The following ADAM10 variants were observed in gnomAD, a reference collection of about 807,000 sequenced individuals.
The protein encoded by ADAM10 is ADAM metallopeptidase domain 10.
In ADAM10, 17 loss-of-function variants were observed where a neutral mutation model predicts 90.1. The observed-to-expected ratio is 0.19, with a 90% confidence interval of 0.13 to 0.28. ADAM10 has a LOEUF of 0.28. ADAM10 is among the 10% of genes least tolerant of loss of function. The probability of loss-of-function intolerance (pLI) is 1.00; values close to 1 mark genes in which losing one functional copy is unlikely to be tolerated. For missense variants in ADAM10, 610 were observed against 914.3 expected (o/e 0.67, Z 4.29); for synonymous variants, 310 against 298.6 (o/e 1.04, Z -0.40).
intron 1 of ADAM10, among the ~76,000 whole-genome samples, chr15:58,737,352 T>A (rs1418138834): frequency 3.3e-5 from 5 of 151,968 alleles, no homozygotes. Context: ...TTTTTTCACA[T>A]CCAAAAAATA....
intron 1 of ADAM10, among the ~76,000 whole-genome samples, chr15:58,734,417 T>C (rs1429178012): frequency 6.6e-6 from 1 of 152,220 alleles, no homozygotes; most frequent in Non-Finnish European, 1.5e-5. Flanking sequence ...TTCAATGATT[T>C]CATGTTAATC....
chr15:58,708,060 G>A (rs2140801480), intron 2 of ADAM10, among the ~76,000 whole-genome samples: 1 of 152,026 alleles, frequency 6.6e-6, no homozygotes, highest in African/African-American at 2.4e-5. Flanking sequence ...CTGGGCAACA[G>A]AGCGAGACTC....
At chr15:58,721,474 A>G (rs1418379403) in intron 1 of ADAM10, among the ~76,000 whole-genome samples, 1 of 152,216 alleles carries the variant, frequency 6.6e-6, no homozygotes, top group Non-Finnish European at 1.5e-5. Flanking sequence ...ATTGAATTAC[A>G]TAATTTCTAT....
At chr15:58,709,276 A>T (rs1273834937) in intron 2 of ADAM10, among the ~76,000 whole-genome samples, 1 of 152,220 alleles carries the variant, frequency 6.6e-6, no homozygotes, top group African/African-American at 2.4e-5. Flanking sequence ...TCTAGATAAA[A>T]TCTGAGCTAG....
At chr15:58,629,518 AC>A (rs1172498266) in intron 9 of ADAM10, 1 of 152,220 alleles carries the variant, frequency 6.6e-6, no homozygotes. Flanking sequence ...GGCCATCTTG[AC>A]TGGACTCGCA....
chr15:58,643,778 CTACT>C (rs1236402604), intron 7 of ADAM10, 104 bp downstream of exon 7: 1 of 883,520 alleles, frequency 1.1e-6, no homozygotes, highest in African/African-American at 1.7e-5. Context: ...TTAAACTAAA[CTACT>C]TAATTCATAA....
intron 5 of ADAM10, among the ~76,000 whole-genome samples, chr15:58,654,049 G>A (rs1896751821): frequency 6.6e-6 from 1 of 151,540 alleles, no homozygotes; most frequent in Admixed American, 6.6e-5. Context: ...TATACCACTT[G>A]TGATGTCTCC....
intron 2 of ADAM10, among the ~76,000 whole-genome samples, chr15:58,705,739 A>C (rs1333497457): frequency 6.6e-6 from 1 of 152,226 alleles, no homozygotes; most frequent in African/African-American, 2.4e-5. Flanking sequence ...TAGAATAGTT[A>C]GAATATAGAG....
At chr15:58,625,132 A>G (rs987669929) in intron 10 of ADAM10, among the ~76,000 whole-genome samples, 1 of 152,178 alleles carries the variant, frequency 6.6e-6, no homozygotes, top group Non-Finnish European at 1.5e-5. Context: ...GATAATGCCA[A>G]TCAATACAAT....
At chr15:58,708,773 T>G (rs551173859) in intron 2 of ADAM10, among the ~76,000 whole-genome samples, 1 of 152,326 alleles carries the variant, frequency 6.6e-6, no homozygotes, top group African/African-American at 2.4e-5. Flanking sequence ...TGGTTCAATA[T>G]AGACTATTTT....
At chr15:58,658,715 T>C (rs1267840979) in intron 5 of ADAM10, among the ~76,000 whole-genome samples, 1 of 152,244 alleles carries the variant, frequency 6.6e-6, no homozygotes, top group Non-Finnish European at 1.5e-5. Context: ...CATATTTTGT[T>C]AAATTTATTC....
chr15:58,649,040 G>A (rs1421343690), intron 5 of ADAM10, among the ~76,000 whole-genome samples: 1 of 151,950 alleles, frequency 6.6e-6, no homozygotes. Context: ...TTTAATCGGT[G>A]CATTTAATCC....
intron 2 of ADAM10, among the ~76,000 whole-genome samples, chr15:58,696,631 A>G (rs1225888682): frequency 2.6e-5 from 4 of 151,982 alleles, no homozygotes; most frequent in Non-Finnish European, 4.4e-5. Context: ...ATGACCAGCT[A>G]ATTTTTGTAC....
rs561566133 is a variant in ADAM10 at position 58,647,601 on chromosome 15, T to G, written c.586-1397A>C. Among the ~76,000 whole-genome samples the G allele has an allele frequency of 2.0e-5, 3 of 152,154 alleles. No homozygotes were observed. In the South Asian group the frequency reaches 6.2e-4, roughly 32 times the overall value. ...TCTCACTCTGTTACCCAGGCTGGAG[T>G]GCAGTGGCATGATCACAGCTCAATG... On this transcript the variant is annotated intron_variant, in intron 5 of 15. Transcript: ENST00000260408.
intron 1 of ADAM10, among the ~76,000 whole-genome samples, chr15:58,734,926 C>CT (rs1260554009): frequency 6.6e-6 from 1 of 152,160 alleles, no homozygotes; most frequent in East Asian, 1.9e-4. Flanking sequence ...CACAGGAGCC[C>CT]TGACTAATCT....
chr15:58,591,680 G>T lies in ADAM10; in HGVS notation c.*5867C>A, dbSNP rs545968989. ...TAATTATCAACTCACAGCCAATCTTGTTTCAACTATATCCACACACACCAG... is the reference window on the plus strand; with the variant it reads ...TAATTATCAACTCACAGCCAATCTTTTTTCAACTATATCCACACACACCAG... On this transcript the variant is annotated 3_prime_UTR_variant, in exon 16 of 16. Transcript: ENST00000260408. The T allele has an allele frequency of 3.3e-5, 5 of 152,108 alleles. No individual in the cohort carries two copies. The highest frequency in any genetic ancestry group is 5.9e-5 in the Non-Finnish European group (4 of 68,008). The allele number at this position is 152,108 out of a possible 1,614,324, so 9.4% of individuals were successfully genotyped here. A position where few individuals can be genotyped will look rare whatever the true frequency, so the allele number is the denominator to read the frequency against.
chr15:58,653,398 C>G (rs565442767), intron 5 of ADAM10, among the ~76,000 whole-genome samples: 1 of 152,070 alleles, frequency 6.6e-6, no homozygotes, highest in Non-Finnish European at 1.5e-5. Flanking sequence ...ACCTTCTATA[C>G]GCAATTTTTT....
intron 4 of ADAM10, among the ~76,000 whole-genome samples, chr15:58,665,413 T>G (rs1293401726): frequency 6.6e-6 from 1 of 152,154 alleles, no homozygotes; most frequent in Non-Finnish European, 1.5e-5. Context: ...CTTTAGCTTT[T>G]TGTCATATAG....
chr15:58,678,685 T>C (rs967418755), intron 4 of ADAM10, among the ~76,000 whole-genome samples: 2 of 152,104 alleles, frequency 1.3e-5, no homozygotes, highest in African/African-American at 4.8e-5. Context: ...TAAAAAGAAA[T>C]ACTCAATGGA....
Sources: allele counts gnomAD v4.1 joint callset (sites outside exome capture counted in the v4.1 genomes callset), GRCh38; gene constraint gnomAD v4.1.1; transcripts MANE v1.5; gene names NCBI Gene and HGNC (gene_info 2026-07-23, HGNC 2026-07-21).